Variants in TTC17 observed in about 807,000 individuals in gnomAD.
The protein encoded by TTC17 is tetratricopeptide repeat protein 17.
Under a neutral mutation model 143.8 loss-of-function variants are expected in TTC17, and 58 were observed. That is an observed-to-expected ratio of 0.40 (90% CI 0.33 to 0.50). TTC17 has a LOEUF of 0.50. Ranked by LOEUF, TTC17 falls within the 20% of genes least tolerant of loss-of-function variation. TTC17 has a pLI of 0.49. For synonymous variants in TTC17, 501 were observed against 497.8 expected (o/e 1.01, Z -0.09); for missense variants, 1,273 against 1,392.5 (o/e 0.91, Z 1.37).
chr11:43,403,981 T>A lies in TTC17; in HGVS notation c.1333-17T>A. 5 of 1,573,064 alleles carry A rather than the reference T, an allele frequency of 3.2e-6. No individual in the cohort carries two copies. The highest frequency in any genetic ancestry group is 4.3e-6 in the Non-Finnish European group (5 of 1,159,230). ...TTCCACTTTCAATTTGATTGAACTT[T>A]TTGTTTCATTTTCTAGTTTGGTGAG... On this transcript the variant is annotated splice_polypyrimidine_tract_variant and intron_variant, in intron 10 of 23. Coordinates refer to ENST00000039989, the MANE Select transcript of TTC17 (RefSeq NM_018259.6).
chr11:43,407,571 C>G lies in TTC17; in HGVS notation c.2058C>G (p.Ser686Arg). The change falls in exon 15 of 24, where the codon AGC (serine) becomes AGG (arginine). Residue 686 changes from serine to arginine, a missense_variant. This residue lies in a region of TTC17 where 878 missense variants were observed against 899.8 expected (regional missense o/e 0.98). Coordinates refer to ENST00000039989, the MANE Select transcript of TTC17 (RefSeq NM_018259.6). ...KLLLQALAIN[S>R]SEPLTFLSLG... ...TACTTCAAGCTTTGGCCATCAATAGCTCTGAGGTGAGGTTTTAAGGGATTT... is the reference window on the plus strand; with the variant it reads ...TACTTCAAGCTTTGGCCATCAATAGGTCTGAGGTGAGGTTTTAAGGGATTT... The G allele has an allele frequency of 6.2e-7, 1 of 1,613,778 alleles. No homozygotes were observed. The highest frequency in any genetic ancestry group is 8.5e-7 in the Non-Finnish European group (1 of 1,179,826).
chr11:43,425,882 G>A lies in TTC17; in HGVS notation c.2251+11106G>A, dbSNP rs74674072. On this transcript the variant is annotated intron_variant, in intron 16 of 23. Coordinates refer to ENST00000039989, the MANE Select transcript of TTC17 (RefSeq NM_018259.6). ...GCCATAGCTTTGGATTTGTCTTCCC[G>A]TTTAGTTGCCTTTTATAGGAACAAA... is the stretch of plus-strand genomic sequence containing the variant. Among the ~76,000 whole-genome samples the A allele has an allele frequency of 6.2e-3, 938 of 152,208 alleles. 12 individuals carry two copies. The highest frequency in any genetic ancestry group is 0.021 in the African/African-American group (883 of 41,522).
chr11:43,444,338 C>A, intron 18 of TTC17, 129 bp downstream of exon 18: 1 of 866,638 alleles, frequency 1.2e-6, no homozygotes. Flanking sequence ...GGTCAAGAAA[C>A]CAGTCTATCT....
At chr11:43,443,015 A>G (rs1947457190) in intron 16 of TTC17, among the ~76,000 whole-genome samples, 1 of 152,226 alleles carries the variant, frequency 6.6e-6, no homozygotes, top group Non-Finnish European at 1.5e-5. Flanking sequence ...TTTTGAATGT[A>G]GAGCAAGTGG....
intron 15 of TTC17, among the ~76,000 whole-genome samples, chr11:43,412,501 TA>T (rs1358762427): frequency 6.6e-6 from 1 of 151,986 alleles, no homozygotes; most frequent in African/African-American, 2.4e-5. Flanking sequence ...AGAATAAACC[TA>T]AAAGAAGATA....
intron 2 of TTC17, among the ~76,000 whole-genome samples, chr11:43,386,083 T>C (rs1857158581): frequency 6.6e-6 from 1 of 151,786 alleles, no homozygotes; most frequent in Non-Finnish European, 1.5e-5. Flanking sequence ...TAAAAATTGA[T>C]TGAATAAATG....
intron 16 of TTC17, among the ~76,000 whole-genome samples, chr11:43,435,927 T>C (rs1947282372): frequency 6.6e-6 from 1 of 152,222 alleles, no homozygotes; most frequent in Admixed American, 6.5e-5. Context: ...ACAGTTGTTT[T>C]TCTCCTCCTA....
rs529344780 is a variant in TTC17 at position 43,430,607 on chromosome 11, G to A, written c.2252-12718G>A. On this transcript the variant is annotated intron_variant, in intron 16 of 23. Coordinates refer to ENST00000039989, the MANE Select transcript of TTC17 (RefSeq NM_018259.6). ...TTCTAAGTGTACTAAATATTTTGGG[G>A]CTTAGATATGCTAAGGAGTTTGATC... Among the ~76,000 whole-genome samples, 87 of 151,964 alleles carry A rather than the reference G, an allele frequency of 5.7e-4. No homozygotes were observed. In the South Asian group the frequency reaches 0.018, roughly 31 times the overall value.
intron 1 of TTC17, among the ~76,000 whole-genome samples, chr11:43,370,870 G>T (rs1374178353): frequency 1.3e-5 from 2 of 152,096 alleles, no homozygotes; most frequent in African/African-American, 2.4e-5. Flanking sequence ...GCAGTGGCAC[G>T]ATCATGGCTC....
intron 21 of TTC17, among the ~76,000 whole-genome samples, chr11:43,472,067 GAT>G (rs1200700417): frequency 6.6e-6 from 1 of 152,076 alleles, no homozygotes; most frequent in Non-Finnish European, 1.5e-5. Context: ...ATTTTAAAAA[GAT>G]ATATCAGCCA....
intron 16 of TTC17, 27 bp from the exon 17 acceptor site, chr11:43,443,298 A>G (rs1442825744): frequency 6.2e-7 from 1 of 1,610,684 alleles, no homozygotes; most frequent in East Asian, 2.2e-5. Flanking sequence ...TGTACCTTTT[A>G]CTAACGTGCT....
intron 15 of TTC17, among the ~76,000 whole-genome samples, chr11:43,409,173 T>G (rs1268824016): frequency 1.3e-5 from 2 of 152,348 alleles, no homozygotes; most frequent in Admixed American, 1.3e-4. Flanking sequence ...AACTTATTCC[T>G]ACCTAATTTT....
chr11:43,392,877 G>A (rs1857441727), intron 5 of TTC17, among the ~76,000 whole-genome samples: 1 of 152,176 alleles, frequency 6.6e-6, no homozygotes, highest in African/African-American at 2.4e-5. Flanking sequence ...TCTAGCAGTT[G>A]GGGTTATCCT....
chr11:43,417,245 T>A (rs956949814), intron 16 of TTC17, among the ~76,000 whole-genome samples: 1 of 152,120 alleles, frequency 6.6e-6, no homozygotes, highest in Non-Finnish European at 1.5e-5. Flanking sequence ...ATCTAAACAG[T>A]TGCATCTATT....
intron 1 of TTC17, among the ~76,000 whole-genome samples, chr11:43,369,847 C>T (rs1482333388): frequency 6.6e-6 from 1 of 152,036 alleles, no homozygotes; most frequent in African/African-American, 2.4e-5. Context: ...GAACTCCTGA[C>T]CTCAGGAGTT....
chr11:43,490,934 T>C (rs1239599069), intron 22 of TTC17: 1 of 151,604 alleles, frequency 6.6e-6, no homozygotes, highest in Non-Finnish European at 1.5e-5. Context: ...GTTATTGTTA[T>C]GATGGATGAG....
chr11:43,401,007 A>G (rs556382788), intron 9 of TTC17, among the ~76,000 whole-genome samples: 12 of 152,338 alleles, frequency 7.9e-5, no homozygotes, highest in African/African-American at 2.4e-4. Context: ...TTTCTTTGCT[A>G]TTATGAGTGT....
intron 16 of TTC17, among the ~76,000 whole-genome samples, chr11:43,422,626 A>G (rs1946932912): frequency 6.6e-6 from 1 of 152,190 alleles, no homozygotes; most frequent in Admixed American, 6.5e-5. Context: ...CCACAAGCCA[A>G]GTGAAGAAAA....
chr11:43,484,291 C>T (rs955728818), intron 21 of TTC17, among the ~76,000 whole-genome samples: 1 of 152,100 alleles, frequency 6.6e-6, no homozygotes, highest in Admixed American at 6.5e-5. Context: ...TTCCCGTAAA[C>T]TCAATAAATA....
Sources: allele counts gnomAD v4.1 joint callset (sites outside exome capture counted in the v4.1 genomes callset), GRCh38; gene constraint gnomAD v4.1.1; regional missense constraint gnomAD v4.1.1; transcripts MANE v1.5; gene names NCBI Gene and HGNC (gene_info 2026-07-23, HGNC 2026-07-21).